Variants in LRRC4C observed in about 807,000 individuals in gnomAD.
The protein encoded by LRRC4C is leucine rich repeat containing 4C, also known as leucine-rich repeat-containing protein 4C.
A neutral mutation model predicts 33.6 loss-of-function variants in LRRC4C; 5 were observed. The ratio of observed to expected loss-of-function variants is 0.15; its 90% confidence interval spans 0.08 to 0.31. The LOEUF (loss-of-function observed/expected upper bound fraction) is 0.31, where lower values mean the gene tolerates loss of function less well. Among genes scored for constraint, LRRC4C ranks in the 10% least tolerant of loss-of-function variants. The pLI is 1.00. For missense variants in LRRC4C, 560 were observed against 796.7 expected, an observed-to-expected ratio of 0.70 and a Z score of 3.58; for synonymous variants, 329 against 302.0, an observed-to-expected ratio of 1.09 and a Z score of -0.93.
chr11:40,637,973 C>T (rs148581079), intron 3 of LRRC4C, among the ~76,000 whole-genome samples: 1 of 152,266 alleles, frequency 6.6e-6, no homozygotes, highest in Non-Finnish European at 1.5e-5. Flanking sequence ...GGCCTCCCCA[C>T]TTGTTTCCTC....
intron 1 of LRRC4C, among the ~76,000 whole-genome samples, chr11:41,208,254 A>C (rs1023095805): frequency 6.6e-6 from 1 of 152,226 alleles, no homozygotes; most frequent in African/African-American, 2.4e-5. Flanking sequence ...CTTGTGAGTG[A>C]TAAAATTGGT....
intron 2 of LRRC4C, among the ~76,000 whole-genome samples, chr11:40,886,901 G>A (rs895993701): frequency 8.7e-5 from 13 of 148,806 alleles, no homozygotes; most frequent in East Asian, 3.9e-4. Context: ...GTGTGTGTGT[G>A]TATATACACA....
chr11:40,128,885 C>A (rs1856451360), intron 6 of LRRC4C, among the ~76,000 whole-genome samples: 1 of 152,124 alleles, frequency 6.6e-6, no homozygotes, highest in Non-Finnish European at 1.5e-5. Context: ...AAAAAGTATC[C>A]CTTTTGTCAT....
At chr11:41,010,887 T>C (rs1855127085) in intron 1 of LRRC4C, among the ~76,000 whole-genome samples, 1 of 152,128 alleles carries the variant, frequency 6.6e-6, no homozygotes, top group African/African-American at 2.4e-5. Context: ...CAAATGAGTC[T>C]TGGATGCTCT....
At chr11:40,259,670 C>T (rs1400466836) in intron 4 of LRRC4C, among the ~76,000 whole-genome samples, 3 of 152,182 alleles carry the variant, frequency 2.0e-5, no homozygotes, top group East Asian at 3.9e-4. Context: ...AAATAGGGAA[C>T]CCTTTCCCCA....
chr11:41,015,208 T>A (rs1168765127), intron 1 of LRRC4C, among the ~76,000 whole-genome samples: 2 of 152,224 alleles, frequency 1.3e-5, no homozygotes, highest in Non-Finnish European at 2.9e-5. Context: ...TAAAATATTA[T>A]ATTTTATTTA....
At chr11:40,563,587 A>G (rs1957639306) in intron 3 of LRRC4C, among the ~76,000 whole-genome samples, 1 of 152,220 alleles carries the variant, frequency 6.6e-6, no homozygotes, top group Admixed American at 6.5e-5. Flanking sequence ...TCCTGCAATG[A>G]AAAAGCAGAC....
chr11:40,767,868 T>C (rs1210815640), intron 2 of LRRC4C, among the ~76,000 whole-genome samples: 1 of 151,772 alleles, frequency 6.6e-6, no homozygotes, highest in African/African-American at 2.4e-5. Flanking sequence ...ATCAACAAGG[T>C]AGTAAAACTT....
At chr11:40,236,318 T>C (rs1343410839) in intron 5 of LRRC4C, among the ~76,000 whole-genome samples, 1 of 152,148 alleles carries the variant, frequency 6.6e-6, no homozygotes, top group African/African-American at 2.4e-5. Context: ...ATAGGTCCTA[T>C]CAAATTGTAA....
At chr11:40,182,872 C>T (rs960005533) in intron 5 of LRRC4C, among the ~76,000 whole-genome samples, 10 of 152,136 alleles carry the variant, frequency 6.6e-5, no homozygotes, top group African/African-American at 2.4e-4. Flanking sequence ...GATCATTACA[C>T]GTGTTAACTA....
chr11:40,476,526 A>G (rs1395295672), intron 3 of LRRC4C, among the ~76,000 whole-genome samples: 1 of 150,560 alleles, frequency 6.6e-6, no homozygotes, highest in African/African-American at 2.4e-5. Flanking sequence ...TTGTATTTTT[A>G]CTAGAGACAG....
chr11:41,358,124 CAAAG>C (rs1227217986), intron 1 of LRRC4C, among the ~76,000 whole-genome samples: 1 of 151,972 alleles, frequency 6.6e-6, no homozygotes, highest in African/African-American at 2.4e-5. Context: ...CTGGTGTTGA[CAAAG>C]AAGCAAAGGC....
At chr11:40,858,015 A>C (rs200478738) in intron 2 of LRRC4C, among the ~76,000 whole-genome samples, 688 of 19,650 alleles carry the variant, frequency 0.035, 3 homozygotes, top group Non-Finnish European at 0.13. Flanking sequence ...GGGACAAGGA[A>C]AGGAAGGGAA....
intron 2 of LRRC4C, among the ~76,000 whole-genome samples, chr11:40,701,409 G>C (rs941833340): frequency 6.6e-6 from 1 of 151,834 alleles, no homozygotes; most frequent in African/African-American, 2.4e-5. Context: ...TGAAAAATAT[G>C]TAATAAAGCG....
At chr11:41,059,522 A>G (rs914538466) in intron 1 of LRRC4C, among the ~76,000 whole-genome samples, 1 of 151,982 alleles carries the variant, frequency 6.6e-6, no homozygotes. Context: ...TTTTCATGAC[A>G]TTTTGTGTCT....
chr11:40,756,039 C>G (rs920321826), intron 2 of LRRC4C, among the ~76,000 whole-genome samples: 2 of 151,838 alleles, frequency 1.3e-5, no homozygotes, highest in Non-Finnish European at 2.9e-5. Context: ...CACAGAAAAA[C>G]AACAGGCATG....
At chr11:40,343,342 C>CAT (rs35866050) in intron 3 of LRRC4C, among the ~76,000 whole-genome samples, 5,264 of 150,568 alleles carry the variant, frequency 0.035, 277 homozygotes, top group African/African-American at 0.12. Context: ...CTAAAACTTA[C>CAT]ATATATATAT....
At chr11:40,196,823 A>G (rs1358104862) in intron 5 of LRRC4C, among the ~76,000 whole-genome samples, 4 of 152,214 alleles carry the variant, frequency 2.6e-5, no homozygotes, top group Non-Finnish European at 4.4e-5. Context: ...AATCCTTTTA[A>G]TGATTCTTTG....
At chr11:41,185,042 T>C (rs896214148) in intron 1 of LRRC4C, among the ~76,000 whole-genome samples, 10 of 151,978 alleles carry the variant, frequency 6.6e-5, no homozygotes, top group African/African-American at 2.2e-4. Flanking sequence ...AAAGACCCAC[T>C]CCCATGATTC....
Sources: gnomAD v4.1 joint callset for allele counts (sites outside exome capture counted in the v4.1 genomes callset) on GRCh38, gnomAD v4.1.1 for gene constraint, MANE v1.5 for transcripts, NCBI Gene and HGNC (gene_info 2026-07-23, HGNC 2026-07-21) for gene names.